Variants in ADGRL2 observed in about 807,000 individuals in gnomAD.
ADGRL2 encodes calcium-independent alpha-latrotoxin receptor 2.
In ADGRL2, 44 loss-of-function variants were observed where a neutral mutation model predicts 157.4. The observed-to-expected ratio is 0.28, with a 90% CI of 0.22 to 0.36. The LOEUF (loss-of-function observed/expected upper bound fraction) is 0.36. Ranked by LOEUF, ADGRL2 falls within the 10% of genes least tolerant of loss-of-function variation. The probability of loss-of-function intolerance (pLI) is 1.00; values close to 1 mark genes in which losing one functional copy is unlikely to be tolerated. For synonymous variants in ADGRL2, 585 were observed against 624.7 expected (o/e 0.94, Z 0.95); for missense variants, 1,510 against 1,768.9 (o/e 0.85, Z 2.63).
At chr1:81,763,046 TAAAAAAAAA>T (rs748864220) in intron 2 of ADGRL2, among the ~76,000 whole-genome samples, 2 of 73,768 alleles carry the variant, frequency 2.7e-5, no homozygotes, top group Non-Finnish European at 4.9e-5. Context: ...AGACTCCGTC[TAAAAAAAAA>T]AAAAAAAAAA....
intron 3 of ADGRL2, among the ~76,000 whole-genome samples, chr1:81,582,734 C>T (rs908559767): frequency 2.0e-5 from 3 of 152,102 alleles, no homozygotes; most frequent in Non-Finnish European, 2.9e-5. Flanking sequence ...AACAATCCTT[C>T]GTAAAATTCA....
intron 2 of ADGRL2, among the ~76,000 whole-genome samples, chr1:81,447,599 G>A (rs909505151): frequency 6.6e-6 from 1 of 152,038 alleles, no homozygotes; most frequent in Non-Finnish European, 1.5e-5. Flanking sequence ...TGAGTAATTA[G>A]CATCTCTCTA....
At chr1:81,891,244 T>C (rs1057278757) in intron 2 of ADGRL2, among the ~76,000 whole-genome samples, 1 of 152,018 alleles carries the variant, frequency 6.6e-6, no homozygotes, top group African/African-American at 2.4e-5. Context: ...TACATTGTTT[T>C]ATGATGTTTT....
At chr1:81,447,021 T>G (rs1327464219) in intron 2 of ADGRL2, among the ~76,000 whole-genome samples, 5 of 152,158 alleles carry the variant, frequency 3.3e-5, no homozygotes, top group African/African-American at 1.2e-4. Flanking sequence ...AAACAGAAGT[T>G]TGATCTTTTT....
At chr1:81,931,873 A>G (rs2095237568) in intron 3 of ADGRL2, among the ~76,000 whole-genome samples, 1 of 152,018 alleles carries the variant, frequency 6.6e-6, no homozygotes, top group Non-Finnish European at 1.5e-5. Context: ...GGCTCAAGAG[A>G]TCCTCCTCCC....
chr1:81,681,512 T>C (rs2083113038), intron 3 of ADGRL2, among the ~76,000 whole-genome samples: 1 of 152,226 alleles, frequency 6.6e-6, no homozygotes. Context: ...AGGTTACTTA[T>C]CAGTTGGTTA....
intron 2 of ADGRL2, among the ~76,000 whole-genome samples, chr1:81,888,293 G>T (rs1347638716): frequency 6.6e-6 from 1 of 152,116 alleles, no homozygotes; most frequent in African/African-American, 2.4e-5. Flanking sequence ...TTTCACTTTA[G>T]TATTTTGGAA....
intron 2 of ADGRL2, among the ~76,000 whole-genome samples, chr1:81,567,642 A>C (rs2080592953): frequency 6.6e-6 from 1 of 152,192 alleles, no homozygotes; most frequent in Non-Finnish European, 1.5e-5. Flanking sequence ...TCAATGAAGC[A>C]CTAAAATATA....
chr1:81,354,103 A>G lies in ADGRL2; in HGVS notation c.-302+47594A>G, dbSNP rs111892238. The stretch of plus-strand genomic sequence containing the variant: ...TGGCAATAAACAGCATAGACTTTGG[A>G]GTCCAGCAGACTTGGAGTCTAATTT... On this transcript the variant is annotated intron_variant, in intron 1 of 24. Coordinates refer to the ADGRL2 transcript ENST00000370721. Among the ~76,000 whole-genome samples the G allele has an allele frequency of 4.5e-4, 68 of 152,300 alleles. 1 individual carries two copies. Among genetic ancestry groups the G allele is most frequent in the African/African-American group, 1.6e-3 (67 of 41,572 alleles).
rs372672882 is a variant in ADGRL2, at chr1:81,971,893, T to C, written c.2996T>C (p.Ile999Thr). 1.3e-5 allele frequency: 21 copies of C among 1,611,852 alleles called. No homozygotes were observed. Among genetic ancestry groups the C allele is most frequent in the African/African-American group, 2.7e-5 (2 of 74,880 alleles). The stretch of plus-strand genomic sequence containing the variant: ...GATAACTACTTTATATGGAGCTTCA[T>C]TGGACCTGTTACCTTCATTATTCTG... ...HVDNYFIWSF[I>T]GPVTFIILLN... Residue 999 changes from isoleucine to threonine, a missense_variant, in exon 17 of 24, where the codon ATT (isoleucine) becomes ACT (threonine). Around this residue, in one of 4 missense-constraint regions of ADGRL2, gnomAD observed 497 missense variants for 627.2 expected, o/e 0.79. Coordinates refer to ENST00000686636, the MANE Select transcript of ADGRL2 (RefSeq NM_001366006.2).
intron 1 of ADGRL2, among the ~76,000 whole-genome samples, chr1:81,433,370 A>G: frequency 6.6e-6 from 1 of 152,302 alleles, no homozygotes; most frequent in East Asian, 1.9e-4. Context: ...AGACAACATA[A>G]TACTTCAGGT....
At chr1:81,745,679 TA>T (rs1324539525) in intron 1 of ADGRL2, among the ~76,000 whole-genome samples, 1 of 152,190 alleles carries the variant, frequency 6.6e-6, no homozygotes, top group Non-Finnish European at 1.5e-5. Context: ...AAATATTATT[TA>T]TGGATTTATA....
At chr1:81,890,096 T>C (rs1279688220) in intron 2 of ADGRL2, among the ~76,000 whole-genome samples, 1 of 152,238 alleles carries the variant, frequency 6.6e-6, no homozygotes, top group Admixed American at 6.5e-5. Flanking sequence ...TGTCTCTGAA[T>C]TGAATCTTTT....
chr1:81,458,146 G>C (rs1196691074), intron 2 of ADGRL2, among the ~76,000 whole-genome samples: 2 of 152,152 alleles, frequency 1.3e-5, no homozygotes, highest in Non-Finnish European at 2.9e-5. Context: ...ATACCACATA[G>C]ACTGTTCTGT....
At chr1:81,617,266 C>T (rs756937377) in intron 3 of ADGRL2, among the ~76,000 whole-genome samples, 24 of 151,560 alleles carry the variant, frequency 1.6e-4, no homozygotes, top group Non-Finnish European at 2.2e-4. Flanking sequence ...ATCTAGGTTG[C>T]ACTCGTTATG....
intron 3 of ADGRL2, among the ~76,000 whole-genome samples, chr1:81,676,529 G>A (rs2082994130): frequency 1.3e-5 from 2 of 151,468 alleles, no homozygotes; most frequent in African/African-American, 2.4e-5. Context: ...TTGAACTTCT[G>A]GACTCAAGTG....
At chr1:81,600,665 G>A (rs1217638916) in intron 3 of ADGRL2, among the ~76,000 whole-genome samples, 2 of 152,146 alleles carry the variant, frequency 1.3e-5, no homozygotes, top group Admixed American at 6.5e-5. Context: ...TGAATGACTT[G>A]CCCTAGTTCA....
At position 81,993,058 on chromosome 1, in the gene ADGRL2, C is replaced by CATAAATATATAT. The variant is rs1664821766; in HGVS notation, c.*1916_*1917insAATATATATATA. 2.4e-5 allele frequency among the ~76,000 whole-genome samples: 1 copy of CATAAATATATAT among 40,848 alleles called. No individual in the cohort carries two copies. The highest frequency in any genetic ancestry group is 3.8e-5 in the Non-Finnish European group (1 of 25,976). The allele number at this position is 40,848 out of a possible 152,430, so 26.8% of individuals were successfully genotyped here. A position where few individuals can be genotyped will look rare whatever the true frequency, so the allele number is the denominator to read the frequency against. On this transcript the variant is annotated 3_prime_UTR_variant, in exon 24 of 24. Coordinates refer to ENST00000686636, the MANE Select transcript of ADGRL2 (RefSeq NM_001366006.2). ...AAATTAAGTGCATATATATAATATA[C>CATAAATATATAT]ATATATATATATATATATATATATA... is the stretch of plus-strand genomic sequence containing the variant.
Position 81,577,046 on chromosome 1 carries a change from T to C in ADGRL2, c.-247-3830T>C, listed in dbSNP as rs2080811597. Among the ~76,000 whole-genome samples, 3 of 152,314 alleles carry C rather than the reference T, an allele frequency of 2.0e-5. No homozygotes were observed. The South Asian group carries it at 6.2e-4, about 32-fold the overall frequency. On this transcript the variant is annotated intron_variant, in intron 2 of 24. Coordinates refer to the ADGRL2 transcript ENST00000370721. ...AAGCTCCTGAGAATCCTTCCACGTT[T>C]ACTCAAGAGCAAGCTTTCTGATTCT... is the stretch of plus-strand genomic sequence containing the variant.
Sources: allele counts gnomAD v4.1 joint callset (sites outside exome capture counted in the v4.1 genomes callset), GRCh38; gene constraint gnomAD v4.1.1; regional missense constraint gnomAD v4.1.1; transcripts MANE v1.5; gene names NCBI Gene and HGNC (gene_info 2026-07-23, HGNC 2026-07-21).